ZNF655: variants seen among roughly 807,000 people sequenced by gnomAD.
ZNF655 encodes the protein Vav-interacting Kruppel-like protein 1.
Under a neutral mutation model 6.6 loss-of-function variants are expected in ZNF655, and 3 were observed. That is an observed-to-expected ratio of 0.46 (90% CI 0.21 to 1.18). The LOEUF is 1.18. Ranked by LOEUF, ZNF655 falls within the 50% of genes most tolerant of loss-of-function variation. The pLI, the probability that ZNF655 is intolerant of heterozygous loss-of-function variation, is 0.24. For synonymous variants in ZNF655, 178 were observed against 195.0 expected (o/e 0.91, Z 0.73); for missense variants, 526 against 572.3 (o/e 0.92, Z 0.83).
At position 99,572,953 on chromosome 7, in the gene ZNF655, A is replaced by C. The variant is rs755271995; in HGVS notation, c.845A>C (p.Lys282Thr). Residue 282 changes from lysine (K) to threonine (T), a missense_variant, in exon 3 of 3, where the codon AAA becomes ACA. By Grantham distance (78) the Lys-to-Thr change is moderately conservative. Coordinates refer to ENST00000252713, the MANE Select transcript of ZNF655 (RefSeq NM_138494.3). ...GATAAATCCTGTGAAGCGTCTGATA[A>C]ATCCTGTAGTCCAAGCTCAGGCATA... Reference protein sequence around the residue: ...ASDKSCEASDKSCSPSSGIIQ... With the variant: ...ASDKSCEASDTSCSPSSGIIQ... The C allele has an allele frequency of 2.5e-5, 40 of 1,614,026 alleles. No homozygotes were observed. The highest frequency in any genetic ancestry group is 3.3e-4 in the Middle Eastern group (2 of 6,084).
In ZNF655 at chr7:99,571,290, T is replaced by A. The variant is rs573058772; in HGVS notation, c.137-955T>A. ...CTAACCATGCAGCAGGTGCTTGAGT[T>A]TCACCTTTCTCCAGTCCAGCAGAAT... On this transcript the variant is annotated intron_variant, in intron 2 of 2. Coordinates refer to ENST00000252713, the MANE Select transcript of ZNF655 (RefSeq NM_138494.3). 3.3e-5 allele frequency: 43 copies of A among 1,289,490 alleles called. No homozygotes were observed. The African/African-American group carries it at 6.1e-4, about 18-fold the overall frequency. The allele number at this position is 1,289,490 out of a possible 1,614,324, so 79.9% of individuals were successfully genotyped here. A position where few individuals can be genotyped will look rare whatever the true frequency, so the allele number is the denominator to read the frequency against.
Position 99,573,312 on chromosome 7 carries a change from C to G in ZNF655, c.1204C>G (p.His402Asp). Residue 402 changes from histidine to aspartate, a missense_variant, in exon 3 of 3, where the codon CAC becomes GAC. By Grantham distance (81) the His-to-Asp change is moderately conservative (BLOSUM62 -1). Transcript: ENST00000252713. The part of the protein sequence containing the change: ...NSHLIQHQRI[H>D]TGEKAHECNE... ...ACATCTTATTCAGCATCAAAGAATT[C>G]ACACAGGAGAGAAAGCACATGAATG... 6 of 1,614,140 alleles carry G rather than the reference C, an allele frequency of 3.7e-6. No homozygotes were observed. The highest frequency in any genetic ancestry group is 4.2e-6 in the Non-Finnish European group (5 of 1,180,002).
At chr7:99,564,675 A>G (rs781055851) in intron 2 of ZNF655, 7 of 984,812 alleles carry the variant, frequency 7.1e-6, no homozygotes, top group Non-Finnish European at 8.4e-6. Flanking sequence ...TGTTAATTTT[A>G]TCTAATAATT....
At chr7:99,571,131 A>T (rs1220695593) in intron 2 of ZNF655, 1 of 843,092 alleles carries the variant, frequency 1.2e-6, no homozygotes, top group African/African-American at 1.8e-5. Flanking sequence ...TGTTGAATAA[A>T]TGCTACACTC....
chr7:99,566,830 C>T (rs1490743471), intron 2 of ZNF655, among the ~76,000 whole-genome samples: 1 of 152,228 alleles, frequency 6.6e-6, no homozygotes, highest in African/African-American at 2.4e-5. Flanking sequence ...CCTGGGATTA[C>T]ACATGTGAGC....
intron 2 of ZNF655, chr7:99,563,745 T>C: frequency 8.2e-7 from 1 of 1,214,868 alleles, no homozygotes; most frequent in East Asian, 2.5e-5. Flanking sequence ...ATCCAGGGCA[T>C]TGCTTTGTCT....
chr7:99,566,959 G>A (rs1406051285), intron 2 of ZNF655, among the ~76,000 whole-genome samples: 5 of 151,840 alleles, frequency 3.3e-5, no homozygotes, highest in East Asian at 3.9e-4. Context: ...TTGCTCTGTC[G>A]CTCAGGCTGG....
In ZNF655 at chr7:99,573,364, A is replaced by C. The variant is rs765307282; in HGVS notation, c.1256A>C (p.Gln419Pro). 181 of 1,614,098 alleles carry C rather than the reference A, an allele frequency of 1.1e-4. No individual in the cohort carries two copies. Among genetic ancestry groups the C allele is most frequent in the Non-Finnish European group, 1.4e-4 (170 of 1,180,028 alleles). ...AATGAATGTGGAAAAGCTTTCAGTC[A>C]AACCTCATGCCTTATTCAGCATCAC... ...ECNECGKAFS[Q>P]TSCLIQHHKM... The change falls in exon 3 of 3, where the codon CAA becomes CCA. Residue 419 changes from glutamine (Q) to proline (P), a missense_variant. Coordinates refer to ENST00000252713, the MANE Select transcript of ZNF655 (RefSeq NM_138494.3).
chr7:99,571,606 T>C, intron 2 of ZNF655: 1 of 1,154,372 alleles, frequency 8.7e-7, no homozygotes, highest in Admixed American at 2.4e-5. Context: ...TCTGTCTCTC[T>C]TAATCATTAG....
chr7:99,572,715 G>A lies in ZNF655; in HGVS notation c.607G>A (p.Glu203Lys), dbSNP rs1273679. 2,430 of 1,613,238 alleles carry A rather than the reference G, an allele frequency of 1.5e-3. 4 individuals carry two copies. Among genetic ancestry groups the A allele is most frequent in the Non-Finnish European group, 1.9e-3 (2,184 of 1,179,936 alleles). Residue 203 changes from glutamate to lysine, a missense_variant, in exon 3 of 3, where the codon GAG becomes AAG. Transcript: ENST00000252713. ...LMDLSHLNKWESIPNTEKSYK... is the reference protein window; with the variant it reads ...LMDLSHLNKWKSIPNTEKSYK... The stretch of plus-strand genomic sequence containing the variant: ...GGATCTCTCCCACCTTAATAAATGG[G>A]AGAGCATCCCTAACACTGAGAAATC...
At position 99,573,050 on chromosome 7, in the gene ZNF655, T is replaced by G; in HGVS notation, c.942T>G (p.Arg314=). 1.2e-6 allele frequency: 2 copies of G among 1,614,182 alleles called. No homozygotes were observed. Among genetic ancestry groups the G allele is most frequent in the Non-Finnish European group, 1.7e-6 (2 of 1,180,018 alleles). The change falls in exon 3 of 3, where the codon CGT becomes CGG. Residue 314 remains arginine (R), a synonymous_variant. Coordinates refer to ENST00000252713, the MANE Select transcript of ZNF655 (RefSeq NM_138494.3). The part of the protein sequence containing the change: ...KCSSCERVFS[R]SVHLTQHQKI... ...GCAGTTGTGAAAGAGTCTTCAGTCG[T>G]AGTGTCCACCTTACTCAACATCAGA...
At chr7:99,562,353 G>A (rs374217335) in intron 2 of ZNF655, 106 of 1,613,670 alleles carry the variant, frequency 6.6e-5, no homozygotes, top group Non-Finnish European at 8.1e-5. Context: ...GAGCAGCCAG[G>A]ATGTGTTATT....
rs1431266856 is a variant in ZNF655, at chr7:99,573,128, C to A, written c.1020C>A (p.Cys340Ter). Residue 340 changes from cysteine to a stop codon, truncating the protein, a stop_gained, in exon 3 of 3, where the codon TGC (cysteine) becomes TGA (stop). Coordinates refer to ENST00000252713, the MANE Select transcript of ZNF655 (RefSeq NM_138494.3). LOFTEE classifies it low-confidence loss of function (END_TRUNC). ...CKCTVCGSDF[C>*]HTSYLLEHQR... ...GTACTGTATGTGGCAGTGACTTCTGCCATACTTCATACCTACTTGAACATC... is the reference window on the plus strand; with the variant it reads ...GTACTGTATGTGGCAGTGACTTCTGACATACTTCATACCTACTTGAACATC... The A allele has an allele frequency of 1.2e-6, 2 of 1,613,930 alleles. No individual in the cohort carries two copies. The highest frequency in any genetic ancestry group is 2.2e-5 in the East Asian group (1 of 44,874).
rs1447747306 is a variant in ZNF655 at position 99,574,071 on chromosome 7, T to C, written c.*487T>C. 6.4e-6 allele frequency: 1 copy of C among 155,822 alleles called. No individual in the cohort carries two copies. The highest frequency in any genetic ancestry group is 2.4e-5 in the African/African-American group (1 of 41,482). The allele number at this position is 155,822 out of a possible 1,614,324, so 9.7% of individuals were successfully genotyped here. On this transcript the variant is annotated 3_prime_UTR_variant, in exon 3 of 3. Transcript: ENST00000252713. ...CGCTCATTCAACATCAAAGAATTTA[T>C]ACCTAAGAGAACTTATTTGGGTGTA...
intron 2 of ZNF655, chr7:99,571,585 A>G (rs1390236257): frequency 6.7e-6 from 7 of 1,044,870 alleles, no homozygotes; most frequent in Middle Eastern, 2.2e-4. Flanking sequence ...ATGTCTTCTC[A>G]GAATCGACCT....
At chr7:99,565,309 CA>C (rs1256164352) in intron 2 of ZNF655, among the ~76,000 whole-genome samples, 1 of 152,128 alleles carries the variant, frequency 6.6e-6, no homozygotes, top group Non-Finnish European at 1.5e-5. Context: ...GCTGGGACTA[CA>C]GATGCTCGCC....
At chr7:99,567,804 G>A (rs938537727) in intron 2 of ZNF655, among the ~76,000 whole-genome samples, 2 of 152,002 alleles carry the variant, frequency 1.3e-5, no homozygotes. Context: ...GCTCACGCCT[G>A]TAATCCAGCA....
intron 2 of ZNF655, among the ~76,000 whole-genome samples, chr7:99,568,229 A>G (rs1042294918): frequency 2.7e-5 from 4 of 150,308 alleles, no homozygotes; most frequent in Non-Finnish European, 5.9e-5. Context: ...CCTCAAATTT[A>G]TTATTGTTTG....
At position 99,565,054 on chromosome 7, in the gene ZNF655, A is replaced by G. The variant is rs183915361; in HGVS notation, c.136+4359A>G. 9.7e-4 allele frequency among the ~76,000 whole-genome samples: 148 copies of G among 152,322 alleles called. 1 individual carries two copies. Among genetic ancestry groups the G allele is most frequent in the African/African-American group, 3.4e-3 (141 of 41,570 alleles). On this transcript the variant is annotated intron_variant, in intron 2 of 2. Transcript: ENST00000252713. ...TTGGAACACTAAGCTTGCGGGAATT[A>G]TTTATGTCCCGCTGCTCAAGGTCAT...
Sources: gnomAD v4.1 joint callset for allele counts (sites outside exome capture counted in the v4.1 genomes callset) on GRCh38, gnomAD v4.1.1 for gene constraint, MANE v1.5 for transcripts, NCBI Gene and HGNC (gene_info 2026-07-23, HGNC 2026-07-21) for gene names.